The following VPS13A variants were observed in gnomAD, a reference collection of about 807,000 sequenced individuals.
VPS13A encodes the protein intermembrane lipid transfer protein VPS13A.
VPS13A carries 264 observed loss-of-function variants against 390.9 expected under a neutral mutation model. The ratio of observed to expected loss-of-function variants is 0.68; its 90% CI spans 0.61 to 0.75. The LOEUF (loss-of-function observed/expected upper bound fraction) is 0.75, where lower values mean the gene tolerates loss of function less well. Ranked by LOEUF, VPS13A falls within the 30% of genes least tolerant of loss-of-function variation. The probability of loss-of-function intolerance (pLI) is 0.00; values close to 1 mark genes in which losing one functional copy is unlikely to be tolerated. For synonymous variants in VPS13A, 1,231 were observed against 1,227.1 expected (o/e 1.00, Z -0.07); for missense variants, 3,409 against 3,733.9 (o/e 0.91, Z 2.27).
intron 1 of VPS13A, among the ~76,000 whole-genome samples, chr9:77,178,894 TGACTC>T (rs1198901159): frequency 6.6e-6 from 1 of 152,240 alleles, no homozygotes; most frequent in Non-Finnish European, 1.5e-5. Flanking sequence ...ATACTTACCT[TGACTC>T]TTCTCGTTTA....
Position 77,359,355 on chromosome 9 carries a change from C to A in VPS13A, c.8058C>A (p.Val2686=). The change falls in exon 58 of 72, where the codon GTC becomes GTA. Residue 2686 remains valine (V), a synonymous_variant. Coordinates refer to ENST00000360280, the MANE Select transcript of VPS13A (RefSeq NM_033305.3). ...MDSAPKPFTD[V]SIVMRSAGHS... is the part of the protein sequence containing the mutation. ...CAGCACCAAAGCCCTTTACAGATGT[C>A]AGTATTGTCATGAGATCTGCAGGAC... 6.2e-7 allele frequency: 1 copy of A among 1,613,516 alleles called. No homozygotes were observed. Among genetic ancestry groups the A allele is most frequent in the Non-Finnish European group, 8.5e-7 (1 of 1,179,716 alleles).
chr9:77,302,426 G>A (rs1334575490), intron 33 of VPS13A, among the ~76,000 whole-genome samples: 6 of 136,004 alleles, frequency 4.4e-5, no homozygotes, highest in African/African-American at 1.7e-4. Context: ...AGGCTGGAGT[G>A]CAGTGGTGCG....
At chr9:77,271,132 G>A (rs1391469163) in intron 23 of VPS13A, among the ~76,000 whole-genome samples, 1 of 152,116 alleles carries the variant, frequency 6.6e-6, no homozygotes, top group Non-Finnish European at 1.5e-5. Flanking sequence ...TACAAGTCCA[G>A]ACTTGTATCT....
At chr9:77,302,820 C>A in intron 33 of VPS13A, 95 bp from the exon 34 acceptor site, 2 of 1,276,916 alleles carry the variant, frequency 1.6e-6, no homozygotes, top group Non-Finnish European at 2.2e-6. Flanking sequence ...TTGATTTCTG[C>A]TATTTGCATA....
chr9:77,370,419 A>G lies in VPS13A; in HGVS notation c.8748A>G (p.Gly2916=). The change falls in exon 65 of 72, where the codon GGA becomes GGG. Residue 2916 remains glycine (G), a synonymous_variant. Transcript: ENST00000360280. ...ACTAAAGATAATTTCTGTCAGGTGG[A>G]TTGGCTGGTGCTGCCTCCAAAATCA... is the stretch of plus-strand genomic sequence containing the variant. ...LKALVGGAVG[G]LAGAASKITG... 1 of 1,614,138 alleles carries G rather than the reference A, an allele frequency of 6.2e-7. No individual in the cohort carries two copies.
chr9:77,386,699 A>ATT lies in VPS13A; in HGVS notation c.9189+4623_9189+4624dup, dbSNP rs35125170. Among the ~76,000 whole-genome samples the ATT allele has an allele frequency of 6.6e-3, 939 of 141,756 alleles. 12 individuals are homozygous for ATT. Among genetic ancestry groups the ATT allele is most frequent in the African/African-American group, 0.023 (864 of 38,240 alleles). The allele number at this position is 141,756 out of a possible 152,430, so 93.0% of individuals were successfully genotyped here. A position where few individuals can be genotyped will look rare whatever the true frequency, so the allele number is the denominator to read the frequency against. On this transcript the variant is annotated intron_variant, in intron 68 of 71. Transcript: ENST00000360280. ...CCCTTAGAGATGAGATGTGCTCTTTATTTTTTTTTTTTAATTTTTTTTTTT... is the reference window on the plus strand; with the variant it reads ...CCCTTAGAGATGAGATGTGCTCTTTATTTTTTTTTTTTTTAATTTTTTTTTTT...
chr9:77,265,089 G>A (rs1825960039), intron 23 of VPS13A, among the ~76,000 whole-genome samples: 1 of 152,158 alleles, frequency 6.6e-6, no homozygotes, highest in Non-Finnish European at 1.5e-5. Flanking sequence ...TTTATGTGAT[G>A]GATTACGTTT....
At chr9:77,346,436 G>A (rs548472466) in intron 52 of VPS13A, among the ~76,000 whole-genome samples, 4 of 151,996 alleles carry the variant, frequency 2.6e-5, no homozygotes, top group South Asian at 2.1e-4. Context: ...GTCCTTTGTC[G>A]GATGCATAGT....
At chr9:77,212,929 G>A in intron 7 of VPS13A, 40 bp from the exon 8 acceptor site, 1 of 1,601,560 alleles carries the variant, frequency 6.2e-7, no homozygotes, top group Non-Finnish European at 8.6e-7. Flanking sequence ...GTTTCAAATG[G>A]AATGACCTTT....
intron 3 of VPS13A, among the ~76,000 whole-genome samples, chr9:77,204,226 A>C (rs993513520): frequency 1.3e-5 from 2 of 152,138 alleles, no homozygotes; most frequent in Non-Finnish European, 2.9e-5. Context: ...TTCCTTACAC[A>C]ATTATGGCAG....
chr9:77,293,743 T>A lies in VPS13A; in HGVS notation c.3507+235T>A, dbSNP rs62573223. Among the ~76,000 whole-genome samples, 42,430 of 151,680 alleles carry A rather than the reference T, an allele frequency of 0.28. 6,223 individuals carry two copies. Among genetic ancestry groups the A allele is most frequent in the Middle Eastern group, 0.36 (106 of 292 alleles). On this transcript the variant is annotated intron_variant, in intron 32 of 71. Transcript: ENST00000360280. ...TATATTTCATATAGTAACATTAAGT[T>A]TATGTGCATTATATATCATAAATAT...
chr9:77,232,133 A>G (rs1273710945), intron 17 of VPS13A, among the ~76,000 whole-genome samples: 1 of 152,178 alleles, frequency 6.6e-6, no homozygotes, highest in Non-Finnish European at 1.5e-5. Flanking sequence ...TGTGATTATC[A>G]TTATACCAAT....
intron 10 of VPS13A, among the ~76,000 whole-genome samples, chr9:77,219,439 A>G (rs1309677742): frequency 2.0e-5 from 3 of 152,114 alleles, no homozygotes; most frequent in East Asian, 3.9e-4. Context: ...AGAGGAATTT[A>G]TCTTAGATTA....
chr9:77,266,627 C>A (rs558064579), intron 23 of VPS13A, among the ~76,000 whole-genome samples: 1 of 152,064 alleles, frequency 6.6e-6, no homozygotes, highest in South Asian at 2.1e-4. Flanking sequence ...GTGAATCTGA[C>A]GATTATGTGT....
chr9:77,317,323 G>T (rs958351919), intron 39 of VPS13A, among the ~76,000 whole-genome samples: 1 of 151,746 alleles, frequency 6.6e-6, no homozygotes, highest in Non-Finnish European at 1.5e-5. Flanking sequence ...GAATATAGCT[G>T]TATGACCACA....
chr9:77,345,958 A>C (rs977875176), intron 52 of VPS13A, among the ~76,000 whole-genome samples: 1 of 152,116 alleles, frequency 6.6e-6, no homozygotes, highest in Non-Finnish European at 1.5e-5. Context: ...ATATTATAAA[A>C]ATAATAAGTT....
At chr9:77,240,239 C>A (rs1181831660) in intron 19 of VPS13A, among the ~76,000 whole-genome samples, 1 of 150,872 alleles carries the variant, frequency 6.6e-6, no homozygotes, top group Non-Finnish European at 1.5e-5. Flanking sequence ...CCCACCACAA[C>A]GCCTGGCTAA....
chr9:77,380,452 C>T (rs10869919), intron 67 of VPS13A, among the ~76,000 whole-genome samples: 61,160 of 151,828 alleles, frequency 0.4, 12,630 homozygotes, highest in South Asian at 0.51. Context: ...ACTGGGACTA[C>T]ATGCACATGC....
rs1421581768 is a variant in VPS13A, at chr9:77,358,337, A to T, written c.7954-20A>T. ...GTATAATTGACATATTAATATACTG[A>T]TGTGTTTTTATTTTCTTAGATCCAA... is the stretch of plus-strand genomic sequence containing the variant. On this transcript the variant is annotated intron_variant, in intron 56 of 71. Coordinates refer to ENST00000360280, the MANE Select transcript of VPS13A (RefSeq NM_033305.3). The T allele has an allele frequency of 6.4e-6, 10 of 1,559,424 alleles. No individual in the cohort carries two copies. The highest frequency in any genetic ancestry group is 2.2e-5 in the East Asian group (1 of 44,534).
Sources: gnomAD v4.1 joint callset for allele counts (sites outside exome capture counted in the v4.1 genomes callset) on GRCh38, gnomAD v4.1.1 for gene constraint, MANE v1.5 for transcripts, NCBI Gene and HGNC (gene_info 2026-07-23, HGNC 2026-07-21) for gene names.